The following PROX2 variants were observed in gnomAD, a reference collection of about 807,000 sequenced individuals.
PROX2 encodes the protein prospero homeobox protein 2.
Under a neutral mutation model 48.9 loss-of-function variants are expected in PROX2, and 46 were observed. The observed-to-expected ratio is 0.94, with a 90% CI of 0.74 to 1.20. The LOEUF (loss-of-function observed/expected upper bound fraction) is 1.20, where lower values mean the gene tolerates loss of function less well. PROX2 is among the 50% of genes most tolerant of loss of function. The probability of loss-of-function intolerance (pLI) is 0.00; values close to 1 mark genes in which losing one functional copy is unlikely to be tolerated. For missense variants in PROX2, 663 were observed against 719.4 expected (o/e 0.92, Z 0.90); for synonymous variants, 260 against 276.6 (o/e 0.94, Z 0.60).
intron 1 of PROX2, chr14:74,873,908 G>A: frequency 2.2e-6 from 1 of 464,462 alleles, no homozygotes; most frequent in South Asian, 1.6e-5. Flanking sequence ...GAGGAGCAGG[G>A]TTCTGTGTTG....
chr14:74,854,008 T>C lies in PROX2; in HGVS notation c.*1124A>G, dbSNP rs1268692117. On this transcript the variant is annotated 3_prime_UTR_variant, in exon 6 of 6. Coordinates refer to ENST00000556489, the MANE Select transcript of PROX2 (RefSeq NM_001243007.2). ...TGGGAGAATTTCCATTTCTGTGTGA[T>C]GCTGCATTTGTCCCAGTTATGCCAT... 5.8e-6 allele frequency: 1 copy of C among 171,202 alleles called. No individual in the cohort carries two copies. The highest frequency in any genetic ancestry group is 1.3e-5 in the Non-Finnish European group (1 of 78,106). 10.6% of individuals were successfully genotyped at this position (171,202 alleles called of 1,614,324 possible). A position where few individuals can be genotyped will look rare whatever the true frequency, so the allele number is the denominator to read the frequency against.
intron 3 of PROX2, chr14:74,861,124 G>T: frequency 1.1e-6 from 1 of 951,098 alleles, no homozygotes; most frequent in Non-Finnish European, 1.5e-6. Context: ...GGACACAAAG[G>T]CAGGTTCTGG....
intron 1 of PROX2, chr14:74,873,891 G>A (rs558965566): frequency 4.4e-6 from 2 of 453,682 alleles, no homozygotes; most frequent in Admixed American, 2.4e-5. Context: ...CATGGGAACT[G>A]CAGTGTGAGG....
intron 3 of PROX2, among the ~76,000 whole-genome samples, chr14:74,860,902 G>A (rs1348659722): frequency 6.6e-6 from 1 of 151,996 alleles, no homozygotes; most frequent in Admixed American, 6.5e-5. Context: ...GCAGCTGTCT[G>A]AATTTAATGG....
chr14:74,858,341 C>T, intron 4 of PROX2, 66 bp downstream of exon 4: 1 of 990,692 alleles, frequency 1.0e-6, no homozygotes, highest in South Asian at 1.4e-5. Flanking sequence ...ACTTGCCTCA[C>T]ACCAGGCAAA....
At chr14:74,856,494 G>A in intron 5 of PROX2, 1 of 288,500 alleles carries the variant, frequency 3.5e-6, no homozygotes, top group Non-Finnish European at 6.5e-6. Flanking sequence ...TGGCACTAAG[G>A]CAAAAAGGTC....
chr14:74,870,410 G>A (rs2140173751), intron 2 of PROX2, among the ~76,000 whole-genome samples: 1 of 64,630 alleles, frequency 1.5e-5, no homozygotes, highest in East Asian at 2.9e-4. Context: ...GGGCAACAGA[G>A]GGAAAGCCTG....
Position 74,854,903 on chromosome 14 carries a change from T to C in PROX2, c.*229A>G. On this transcript the variant is annotated 3_prime_UTR_variant, in exon 6 of 6. Transcript: ENST00000556489. ...TCTTCTGATTGGAAACTTGTGTTCC[T>C]TTTACAATATACTACCAATACACCA... The C allele has an allele frequency of 3.1e-6, 1 of 325,624 alleles. No individual in the cohort carries two copies. 20.2% of individuals were successfully genotyped at this position (325,624 alleles called of 1,614,324 possible).
At chr14:74,862,219 T>C (rs1358193897) in intron 3 of PROX2, among the ~76,000 whole-genome samples, 1 of 149,224 alleles carries the variant, frequency 6.7e-6, no homozygotes, top group African/African-American at 2.4e-5. Flanking sequence ...AAATTATTTA[T>C]TGAAACATTG....
intron 1 of PROX2, among the ~76,000 whole-genome samples, chr14:74,872,864 C>T (rs549317934): frequency 5.3e-5 from 8 of 152,336 alleles, no homozygotes; most frequent in Admixed American, 5.2e-4. Flanking sequence ...GGCCACACAG[C>T]CCTGTCCATC....
At chr14:74,870,055 TTTAAG>T (rs1387175047) in intron 2 of PROX2, among the ~76,000 whole-genome samples, 1 of 152,110 alleles carries the variant, frequency 6.6e-6, no homozygotes, top group Non-Finnish European at 1.5e-5. Flanking sequence ...AAAAATAGTG[TTTAAG>T]TAAAGTTTAT....
chr14:74,865,182 C>T (rs1033231067), intron 2 of PROX2: 4 of 151,714 alleles, frequency 2.6e-5, no homozygotes, highest in Non-Finnish European at 5.9e-5. Context: ...AAAACACTGC[C>T]GTCCTAACTC....
At chr14:74,867,711 G>A (rs1165270110) in intron 2 of PROX2, among the ~76,000 whole-genome samples, 1 of 152,228 alleles carries the variant, frequency 6.6e-6, no homozygotes, top group Non-Finnish European at 1.5e-5. Flanking sequence ...GAGGAGAAGA[G>A]CATAGAACCA....
Position 74,862,590 on chromosome 14 carries a change from C to G in PROX2, c.1245G>C (p.Val415=), listed in dbSNP as rs1246054894. 1.2e-6 allele frequency: 2 copies of G among 1,613,976 alleles called. No individual in the cohort carries two copies. The part of the protein sequence containing the change: ...HLESLPLLPS[V]KMEQRGLHAV... Reference sequence around the variant, plus strand: ...CATGCAGGCCTCTCTGTTCCATCTTCACCGAGGGAAGAAGGGGTAGACTTT... The same window carrying G: ...CATGCAGGCCTCTCTGTTCCATCTTGACCGAGGGAAGAAGGGGTAGACTTT... Residue 415 remains valine (V), a synonymous_variant, in exon 3 of 6, where the codon GTG becomes GTC. Transcript: ENST00000556489.
At chr14:74,873,177 G>T (rs957709727) in intron 1 of PROX2, among the ~76,000 whole-genome samples, 1 of 152,068 alleles carries the variant, frequency 6.6e-6, no homozygotes, top group Non-Finnish European at 1.5e-5. Flanking sequence ...TAGAGGCGGG[G>T]TTTCACCATG....
intron 2 of PROX2, among the ~76,000 whole-genome samples, chr14:74,866,978 T>C (rs1472700351): frequency 6.6e-6 from 1 of 152,120 alleles, no homozygotes; most frequent in Non-Finnish European, 1.5e-5. Context: ...GGATTGACTT[T>C]AGACAGGGGA....
chr14:74,874,647 A>T (rs1261667657), intron 1 of PROX2, among the ~76,000 whole-genome samples: 1 of 152,232 alleles, frequency 6.6e-6, no homozygotes, highest in East Asian at 1.9e-4. Flanking sequence ...TTTAAAACTT[A>T]TTTAAAATGA....
At position 74,855,147 on chromosome 14, in the gene PROX2, G is replaced by A. The variant is rs781026611; in HGVS notation, c.1764C>T (p.Ser588=). 2.5e-5 allele frequency: 39 copies of A among 1,562,336 alleles called. No individual in the cohort carries two copies. Among genetic ancestry groups the A allele is most frequent in the Non-Finnish European group, 3.1e-5 (36 of 1,145,166 alleles). The change falls in exon 6 of 6, where the codon TCC becomes TCT. Residue 588 remains serine, a synonymous_variant. Coordinates refer to ENST00000556489, the MANE Select transcript of PROX2 (RefSeq NM_001243007.2). ...DSDIPEIFKS[S]SYPQ is the part of the protein sequence containing the mutation. ...CCCGAAACAGCTACTGGGGATAGCT[G>A]GAAGATTTGAATATCTCTGGGATGT...
intron 4 of PROX2, 114 bp from the exon 5 acceptor site, chr14:74,857,109 C>A: frequency 1.3e-6 from 1 of 760,722 alleles, no homozygotes; most frequent in Non-Finnish European, 2.1e-6. Context: ...CCAGCATTAA[C>A]AGGGGCTTCC....
Sources: gnomAD v4.1 joint callset for allele counts (sites outside exome capture counted in the v4.1 genomes callset) on GRCh38, gnomAD v4.1.1 for gene constraint, MANE v1.5 for transcripts, NCBI Gene and HGNC (gene_info 2026-07-23, HGNC 2026-07-21) for gene names.